The following CWH43 variants were observed in gnomAD, a reference collection of about 807,000 sequenced individuals.
The protein encoded by CWH43 is cell wall biogenesis 43 C-terminal homolog, also known as PGAP2-interacting protein.
A neutral mutation model predicts 85.7 loss-of-function variants in CWH43; 91 were observed. The ratio of observed to expected loss-of-function variants is 1.06; its 90% CI spans 0.90 to 1.26. The LOEUF is 1.26. Among genes scored for constraint, CWH43 ranks in the 50% most tolerant of loss-of-function variants. CWH43 has a pLI of 0.00. For synonymous variants in CWH43, 323 were observed against 293.6 expected (o/e 1.10, Z -1.02); for missense variants, 869 against 839.2 (o/e 1.04, Z -0.44).
chr4:48,992,922 G>A lies in CWH43; in HGVS notation c.511+832G>A, dbSNP rs1173498736. ...TATGTCAGTAAATTGGCCTTGTGAT[G>A]TTAATAGTAGAAGACTTAGAACTCT... On this transcript the variant is annotated intron_variant, in intron 4 of 15. Coordinates refer to ENST00000226432, the MANE Select transcript of CWH43 (RefSeq NM_025087.3). The surrounding 1 kb of genome is among the most constrained non-coding windows in gnomAD (Gnocchi z 4.3). 6.6e-6 allele frequency among the ~76,000 whole-genome samples: 1 copy of A among 152,200 alleles called. No individual in the cohort carries two copies.
At chr4:49,008,875 T>C (rs535506860) in intron 8 of CWH43, among the ~76,000 whole-genome samples, 1 of 152,348 alleles carries the variant, frequency 6.6e-6, no homozygotes, top group South Asian at 2.1e-4. Context: ...TTGGTTACTG[T>C]AGACTTGTAG....
At chr4:48,998,617 C>T (rs1016444530) in intron 6 of CWH43, 69 bp downstream of exon 6, 1 of 1,111,548 alleles carries the variant, frequency 9.0e-7, no homozygotes, top group African/African-American at 1.5e-5. Context: ...CAAGCATGCG[C>T]AACTCGACTG....
At chr4:49,008,975 T>C (rs1478026926) in intron 8 of CWH43, among the ~76,000 whole-genome samples, 5 of 152,212 alleles carry the variant, frequency 3.3e-5, no homozygotes, top group Admixed American at 6.5e-5. Flanking sequence ...TTTGGTTCTA[T>C]ATGAACTTTA....
intron 8 of CWH43, among the ~76,000 whole-genome samples, chr4:49,007,603 C>T (rs1783201969): frequency 6.6e-6 from 1 of 152,056 alleles, no homozygotes; most frequent in Non-Finnish European, 1.5e-5. Context: ...TTAGGTATTC[C>T]TCCTAATGCT....
intron 12 of CWH43, among the ~76,000 whole-genome samples, chr4:49,034,145 T>C (rs1403967122): frequency 1.3e-5 from 2 of 152,226 alleles, no homozygotes; most frequent in Non-Finnish European, 2.9e-5. Flanking sequence ...GGAGGATGGA[T>C]GATATAGATG....
chr4:49,013,389 C>A (rs1216133902), intron 8 of CWH43, among the ~76,000 whole-genome samples: 3 of 152,212 alleles, frequency 2.0e-5, no homozygotes, highest in African/African-American at 7.2e-5. Flanking sequence ...TTTCCAGGTA[C>A]AGTCTGTCAT....
In CWH43 at chr4:49,051,467, C is replaced by A. The variant is rs1262177097; in HGVS notation, c.2021+618C>A. 3.9e-5 allele frequency among the ~76,000 whole-genome samples: 6 copies of A among 152,104 alleles called. No individual in the cohort carries two copies. In the East Asian group the frequency reaches 1.2e-3, roughly 29 times the overall value. ...AGGACCTCCTGGGGTGGTATCTGGG[C>A]TGTGGAATTTAAAAAATTATTTCCA... On this transcript the variant is annotated intron_variant, in intron 15 of 15. Transcript: ENST00000226432.
chr4:49,061,807 T>C lies in CWH43; in HGVS notation c.2022-5T>C, dbSNP rs1389759973. On this transcript the variant is annotated splice_polypyrimidine_tract_variant and splice_region_variant and intron_variant, in intron 15 of 15. Transcript: ENST00000226432. ...TAACTTTTTATTTATTTTTTATTTT[T>C]TTAGATTTGGATCCTACAAAGAAGG... 2 of 1,379,030 alleles carry C rather than the reference T, an allele frequency of 1.5e-6. No individual in the cohort carries two copies. Among genetic ancestry groups the C allele is most frequent in the Non-Finnish European group, 1.9e-6 (2 of 1,039,618 alleles). 85.4% of individuals were successfully genotyped at this position (1,379,030 alleles called of 1,614,324 possible).
intron 2 of CWH43, among the ~76,000 whole-genome samples, chr4:48,989,608 A>G (rs1369996562): frequency 6.6e-6 from 1 of 152,178 alleles, no homozygotes; most frequent in African/African-American, 2.4e-5. Flanking sequence ...GTTTTGTGTC[A>G]GTAAAGATGA....
At chr4:49,033,296 G>A (rs1784160165) in intron 12 of CWH43, among the ~76,000 whole-genome samples, 1 of 152,226 alleles carries the variant, frequency 6.6e-6, no homozygotes, top group Admixed American at 6.5e-5. Context: ...GAATCTGGAA[G>A]AGGGAGATCA....
chr4:49,005,567 T>C (rs1783131457), intron 7 of CWH43, among the ~76,000 whole-genome samples: 1 of 151,244 alleles, frequency 6.6e-6, no homozygotes, highest in South Asian at 2.1e-4. Flanking sequence ...TTTTTTCTTT[T>C]TTTTTTTTTT....
intron 15 of CWH43, 42 bp downstream of exon 15, chr4:49,050,891 A>G: frequency 6.8e-7 from 1 of 1,465,156 alleles, no homozygotes; most frequent in Non-Finnish European, 9.4e-7. Flanking sequence ...GAGCTACTGC[A>G]TCCCTCTATG....
chr4:49,027,591 G>A (rs980574917), intron 9 of CWH43, among the ~76,000 whole-genome samples: 1 of 151,796 alleles, frequency 6.6e-6, no homozygotes, highest in Admixed American at 6.6e-5. Context: ...ATATTTTTAG[G>A]GTGCATGGGA....
chr4:49,016,773 C>T, intron 8 of CWH43: 2 of 776,804 alleles, frequency 2.6e-6, no homozygotes, highest in Non-Finnish European at 4.8e-6. Flanking sequence ...TAGCTTCTTC[C>T]CAATGCAGGT....
chr4:49,044,969 T>C (rs1366195351), intron 14 of CWH43, 122 bp downstream of exon 14: 1 of 699,314 alleles, frequency 1.4e-6, no homozygotes, highest in Non-Finnish European at 2.4e-6. Flanking sequence ...TAAAAAGCAA[T>C]CAATGTTTAT....
chr4:49,036,514 A>G (rs1784266712), intron 12 of CWH43, among the ~76,000 whole-genome samples: 1 of 152,034 alleles, frequency 6.6e-6, no homozygotes, highest in Admixed American at 6.6e-5. Flanking sequence ...TGAGATCCTA[A>G]CTCAACAAGG....
At chr4:49,037,676 C>G (rs1351978077) in intron 12 of CWH43, among the ~76,000 whole-genome samples, 2 of 151,950 alleles carry the variant, frequency 1.3e-5, no homozygotes, top group South Asian at 4.2e-4. Context: ...GCTCTTTTTA[C>G]TTTTTTAAAC....
intron 9 of CWH43, among the ~76,000 whole-genome samples, chr4:49,018,799 G>A (rs757514841): frequency 5.3e-5 from 8 of 152,182 alleles, no homozygotes. Context: ...GCTACACTGA[G>A]AACACAGACC....
chr4:49,006,639 T>A lies in CWH43; in HGVS notation c.1061-562T>A, dbSNP rs28604508. ...GGTTTTAGATGAAGTAAGTAAACTT[T>A]AAGTGTAAGCTAGTTTGTTGCATAT... On this transcript the variant is annotated intron_variant, in intron 7 of 15. Coordinates refer to ENST00000226432, the MANE Select transcript of CWH43 (RefSeq NM_025087.3). Among the ~76,000 whole-genome samples the A allele has an allele frequency of 4.9e-3, 751 of 152,314 alleles. 3 individuals carry two copies. Among genetic ancestry groups the A allele is most frequent in the Middle Eastern group, 0.024 (7 of 294 alleles).
Sources: gnomAD v4.1 joint callset for allele counts (sites outside exome capture counted in the v4.1 genomes callset) on GRCh38, gnomAD v4.1.1 for gene constraint, Gnocchi (gnomAD v3.1) non-coding constraint, MANE v1.5 for transcripts, NCBI Gene and HGNC (gene_info 2026-07-23, HGNC 2026-07-21) for gene names.